The following CCDC200 variants were observed in gnomAD, a reference collection of about 807,000 sequenced individuals.
CCDC200 encodes the protein coiled-coil domain containing 200, also known as coiled-coil domain-containing protein 200.
chr17:43,222,771 TC>T (rs1481656319), intron 3 of CCDC200, among the ~76,000 whole-genome samples: 25 of 130,816 alleles, frequency 1.9e-4, no homozygotes, highest in Admixed American at 1.4e-3. Flanking sequence ...TTTTTTTTTT[TC>T]GTTTTTTTTT....
intron 1 of CCDC200, among the ~76,000 whole-genome samples, chr17:43,226,522 A>T (rs1274902261): frequency 6.6e-6 from 1 of 152,100 alleles, no homozygotes; most frequent in African/African-American, 2.4e-5. Context: ...CAGCCTCCCG[A>T]GTAGCTGGGA....
chr17:43,222,673 C>T (rs901635705), intron 3 of CCDC200, among the ~76,000 whole-genome samples: 10 of 151,418 alleles, frequency 6.6e-5, no homozygotes, highest in South Asian at 4.2e-4. Context: ...TTACGGCAGC[C>T]TCAACCTCTG....
At chr17:43,222,589 CTTT>C (rs34235178) in intron 3 of CCDC200, among the ~76,000 whole-genome samples, 3 of 139,792 alleles carry the variant, frequency 2.1e-5, no homozygotes, top group African/African-American at 2.7e-5. Context: ...GCATTTTTTC[CTTT>C]TTTTTTTTTT....
intron 1 of CCDC200, chr17:43,226,205 G>T (rs1174447382): frequency 6.6e-6 from 1 of 152,130 alleles, no homozygotes; most frequent in African/African-American, 2.4e-5. Flanking sequence ...GCTAGGCATG[G>T]TGGTGCATGC....
rs192910339 is a variant in CCDC200, at chr17:43,227,706, G to A, written c.105+744C>T. Among the ~76,000 whole-genome samples, 563 of 151,126 alleles carry A rather than the reference G, an allele frequency of 3.7e-3. 2 individuals are homozygous for A. Among genetic ancestry groups the A allele is most frequent in the African/African-American group, 0.013 (542 of 41,182 alleles). On this transcript the variant is annotated intron_variant, in intron 1 of 3. Transcript: ENST00000636331. ...TCGCCATGTTGGCCAGGCTGGTCTT[G>A]AACTCCTGACCTCAACTGATCCACC...
chr17:43,222,057 C>T (rs1398099227), intron 3 of CCDC200, among the ~76,000 whole-genome samples: 1 of 151,100 alleles, frequency 6.6e-6, no homozygotes, highest in Non-Finnish European at 1.5e-5. Flanking sequence ...AGCTGAGATC[C>T]AGCCTGGGTA....
intron 3 of CCDC200, among the ~76,000 whole-genome samples, chr17:43,223,291 C>G (rs1336361683): frequency 7.7e-6 from 1 of 129,106 alleles, no homozygotes; most frequent in South Asian, 2.6e-4. Flanking sequence ...CTCCTGGGCT[C>G]AAGCAATACT....
chr17:43,224,858 C>A (rs2057556255), intron 1 of CCDC200: 1 of 152,158 alleles, frequency 6.6e-6, no homozygotes, highest in Non-Finnish European at 1.5e-5. Context: ...TAATTCCCTG[C>A]AAATGTCTTG....
intron 1 of CCDC200, among the ~76,000 whole-genome samples, chr17:43,225,297 G>A (rs2057559291): frequency 6.6e-6 from 1 of 152,056 alleles, no homozygotes; most frequent in Admixed American, 6.6e-5. Flanking sequence ...GCCTCCCAAA[G>A]TGATTTTTTT....
At chr17:43,227,540 A>G (rs1216605622) in intron 1 of CCDC200, among the ~76,000 whole-genome samples, 1 of 151,964 alleles carries the variant, frequency 6.6e-6, no homozygotes, top group Admixed American at 6.5e-5. Context: ...GTCAGAGTGC[A>G]GTGGCACTAT....
chr17:43,226,896 G>C (rs913048779), intron 1 of CCDC200, among the ~76,000 whole-genome samples: 17 of 152,236 alleles, frequency 1.1e-4, no homozygotes, highest in Admixed American at 1.1e-3. Flanking sequence ...TGAAAAAGTA[G>C]ATGTACATAT....
At chr17:43,228,107 T>TAAAA (rs1598041691) in intron 1 of CCDC200, among the ~76,000 whole-genome samples, 106 of 4,178 alleles carry the variant, frequency 0.025, no homozygotes, top group Middle Eastern at 0.17. Context: ...AAACTCCATC[T>TAAAA]CAAAAAAAAA....
At position 43,221,499 on chromosome 17, in the gene CCDC200, G is replaced by C. The variant is rs2057533755; in HGVS notation, c.*72C>G. On this transcript the variant is annotated 3_prime_UTR_variant, in exon 4 of 4. Transcript: ENST00000636331. ...TGGCTTTTGGAGTGGAGATATTGCT[G>C]GATGCTGAGAAGATGTGGTTGCTCA... 1 of 152,658 alleles carries C rather than the reference G, an allele frequency of 6.6e-6. No individual in the cohort carries two copies. 9.5% of individuals were successfully genotyped at this position (152,658 alleles called of 1,614,324 possible).
At chr17:43,227,012 CTT>C (rs2057573822) in intron 1 of CCDC200, among the ~76,000 whole-genome samples, 2 of 151,916 alleles carry the variant, frequency 1.3e-5, no homozygotes, top group Non-Finnish European at 2.9e-5. Context: ...GATTTTTGCT[CTT>C]GTCACCCAGG....
Position 43,227,392 on chromosome 17 carries a change from G to T in CCDC200, c.105+1058C>A, listed in dbSNP as rs62076432. 1.5e-3 allele frequency among the ~76,000 whole-genome samples: 233 copies of T among 152,328 alleles called. 2 individuals are homozygous for T. The East Asian group carries it at 0.025, about 17-fold the overall frequency. On this transcript the variant is annotated intron_variant, in intron 1 of 3. Transcript: ENST00000636331. ...ACACTTGTCAACATTTTGGGAGGCTGAGGTGGGAGGATTGCTTGAGTCCAG... is the reference window on the plus strand; with the variant it reads ...ACACTTGTCAACATTTTGGGAGGCTTAGGTGGGAGGATTGCTTGAGTCCAG...
At chr17:43,223,078 T>C (rs1391696774) in intron 3 of CCDC200, among the ~76,000 whole-genome samples, 2 of 151,642 alleles carry the variant, frequency 1.3e-5, no homozygotes, top group African/African-American at 4.8e-5. Flanking sequence ...CCCAGCTAGT[T>C]TTTAAAATTT....
intron 1 of CCDC200, among the ~76,000 whole-genome samples, chr17:43,227,129 C>A (rs2057574720): frequency 6.6e-6 from 1 of 151,970 alleles, no homozygotes. Flanking sequence ...CAGGTGCGCG[C>A]CACCACGCCC....
chr17:43,222,759 TGTTTTTTTTTTTC>T (rs1205842594), intron 3 of CCDC200, among the ~76,000 whole-genome samples: 2 of 128,094 alleles, frequency 1.6e-5, no homozygotes, highest in East Asian at 4.6e-4. Flanking sequence ...CAGCTAGTTT[TGTTTTTTTTTTTC>T]GTTTTTTTTT....
At chr17:43,222,359 A>AT (rs1007837297) in intron 3 of CCDC200, among the ~76,000 whole-genome samples, 11 of 152,092 alleles carry the variant, frequency 7.2e-5, no homozygotes, top group Admixed American at 1.3e-4. Context: ...TAGAGATGGC[A>AT]TCTCAGCATG....
Sources: gnomAD v4.1 joint callset for allele counts (sites outside exome capture counted in the v4.1 genomes callset) on GRCh38, gnomAD v4.1.1 for gene constraint, MANE v1.5 for transcripts, NCBI Gene and HGNC (gene_info 2026-07-23, HGNC 2026-07-21) for gene names.